PRIM2: variants seen among roughly 807,000 people sequenced by gnomAD.
PRIM2 encodes DNA primase subunit 2, also known as DNA primase large subunit.
In PRIM2, 39 loss-of-function variants were observed where a neutral mutation model predicts 67.3. The observed-to-expected ratio is 0.58, with a 90% confidence interval of 0.45 to 0.76. PRIM2 has a LOEUF of 0.76. Among genes scored for constraint, PRIM2 ranks in the 30% least tolerant of loss-of-function variants. The probability of loss-of-function intolerance (pLI) is 0.00; values close to 1 mark genes in which losing one functional copy is unlikely to be tolerated. For synonymous variants in PRIM2, 143 were observed against 198.7 expected, an observed-to-expected ratio of 0.72 and a Z score of 2.36; for missense variants, 398 against 598.7, an observed-to-expected ratio of 0.66 and a Z score of 3.50.
intron 7 of PRIM2, among the ~76,000 whole-genome samples, chr6:57,391,667 G>T (rs1770350007): frequency 6.6e-6 from 1 of 152,110 alleles, no homozygotes; most frequent in Admixed American, 6.5e-5. Context: ...AAGATCATAT[G>T]GTTGTAGGTG....
chr6:57,406,746 T>C (rs1770904377), intron 7 of PRIM2, among the ~76,000 whole-genome samples: 3 of 152,154 alleles, frequency 2.0e-5, no homozygotes, highest in East Asian at 1.9e-4. Context: ...TCTTGCTGTT[T>C]TGTATAAAAT....
intron 10 of PRIM2, among the ~76,000 whole-genome samples, chr6:57,573,547 C>A (rs1361571305): frequency 1.3e-4 from 19 of 151,560 alleles, no homozygotes; most frequent in Non-Finnish European, 2.5e-4. Context: ...ACATGATAAA[C>A]CAAAAAGAGA....
the PRIM2 span, among the ~76,000 whole-genome samples, chr6:57,237,680 C>T: frequency 6.6e-6 from 1 of 152,126 alleles, no homozygotes; most frequent in African/African-American, 2.4e-5. Context: ...GGAATCCTTT[C>T]CCCATTTCTT....
chr6:57,477,202 A>G (rs1206286811), intron 7 of PRIM2, among the ~76,000 whole-genome samples: 1 of 152,130 alleles, frequency 6.6e-6, no homozygotes, highest in African/African-American at 2.4e-5. Flanking sequence ...TATGTTGCCC[A>G]GGCTGGTCTT....
the PRIM2 span, among the ~76,000 whole-genome samples, chr6:57,240,745 T>C: frequency 1.3e-5 from 2 of 152,172 alleles, no homozygotes; most frequent in African/African-American, 4.8e-5. Flanking sequence ...CTTACATTTC[T>C]AGAATACAGT....
chr6:57,330,230 A>G (rs998779139), intron 5 of PRIM2, among the ~76,000 whole-genome samples: 5 of 151,890 alleles, frequency 3.3e-5, no homozygotes, highest in African/African-American at 9.7e-5. Context: ...ATATTCTTCA[A>G]TGTTATTGTA....
intron 5 of PRIM2, among the ~76,000 whole-genome samples, chr6:57,370,059 A>G (rs1769492346): frequency 6.6e-6 from 1 of 152,212 alleles, no homozygotes; most frequent in Non-Finnish European, 1.5e-5. Flanking sequence ...ACTAAGGTGT[A>G]AAGAGGTTAA....
intron 5 of PRIM2, among the ~76,000 whole-genome samples, chr6:57,349,436 C>A (rs1768789812): frequency 6.7e-6 from 1 of 149,862 alleles, no homozygotes; most frequent in Non-Finnish European, 1.5e-5. Flanking sequence ...ATTATGTATG[C>A]CACTATTTTT....
chr6:57,592,651 G>T (rs1776301647), intron 10 of PRIM2, among the ~76,000 whole-genome samples: 1 of 152,090 alleles, frequency 6.6e-6, no homozygotes, highest in African/African-American at 2.4e-5. Context: ...AACTAGCTGG[G>T]CTGGTGGAGG....
the PRIM2 span, among the ~76,000 whole-genome samples, chr6:57,250,208 T>A: frequency 6.6e-6 from 1 of 152,242 alleles, no homozygotes; most frequent in Non-Finnish European, 1.5e-5. Context: ...TATTGCTATT[T>A]CTTCAATATG....
chr6:57,646,510 CTT>C lies in PRIM2; in HGVS notation c.*365_*366del, dbSNP rs1236435010. On this transcript the variant is annotated 3_prime_UTR_variant, in exon 14 of 14. Coordinates refer to ENST00000615550, the MANE Select transcript of PRIM2 (RefSeq NM_000947.5). The stretch of plus-strand genomic sequence containing the variant: ...ACGGTTGTGAGCCACTGTGCCTGGC[CTT>C]TTTTTTTTTTTTAACCTTTTTGTTT... 470 of 161,354 alleles carry C rather than the reference CTT, an allele frequency of 2.9e-3. No homozygotes were observed. Among genetic ancestry groups the C allele is most frequent in the South Asian group, 6.6e-3 (37 of 5,614 alleles). 10.0% of individuals were successfully genotyped at this position (161,354 alleles called of 1,614,324 possible).
At chr6:57,279,559 T>C in the PRIM2 span, among the ~76,000 whole-genome samples, 2 of 152,128 alleles carry the variant, frequency 1.3e-5, no homozygotes, top group African/African-American at 4.8e-5. Flanking sequence ...ACTATATGAC[T>C]AGATTGTGGC....
Position 57,319,041 on chromosome 6 carries a change from A to C in PRIM2, c.154+442A>C, listed in dbSNP as rs189872551. ...AGAGAAGTTGAAATGTGATCTGGAC[A>C]TACTGAAGAATGAGTAGAAATTTTC... On this transcript the variant is annotated intron_variant, in intron 2 of 13. Coordinates refer to ENST00000615550, the MANE Select transcript of PRIM2 (RefSeq NM_000947.5). Among the ~76,000 whole-genome samples the C allele has an allele frequency of 2.6e-3, 391 of 152,400 alleles. 2 individuals carry two copies. The highest frequency in any genetic ancestry group is 6.4e-3 in the Admixed American group (98 of 15,314).
At chr6:57,427,103 C>T (rs1771657907) in intron 7 of PRIM2, among the ~76,000 whole-genome samples, 1 of 152,136 alleles carries the variant, frequency 6.6e-6, no homozygotes, top group African/African-American at 2.4e-5. Context: ...ATGGAATGAA[C>T]TTCTTTATCA....
At chr6:57,378,051 TTTC>T (rs1235571126) in intron 5 of PRIM2, among the ~76,000 whole-genome samples, 59 of 151,900 alleles carry the variant, frequency 3.9e-4, no homozygotes, top group Middle Eastern at 3.4e-3. Flanking sequence ...CAGAAAGCTT[TTTC>T]TTCTTCTTCT....
chr6:57,379,180 TTTTAC>T (rs2127333343), intron 5 of PRIM2, among the ~76,000 whole-genome samples: 1 of 113,852 alleles, frequency 8.8e-6, no homozygotes, highest in African/African-American at 3.4e-5. Flanking sequence ...CATTTATTAT[TTTTAC>T]TTATATAACT....
intron 13 of PRIM2, among the ~76,000 whole-genome samples, chr6:57,639,738 A>G (rs1777196204): frequency 6.6e-6 from 1 of 151,092 alleles, no homozygotes; most frequent in African/African-American, 2.5e-5. Flanking sequence ...TGAGGCAGTA[A>G]TAGCCTATCA....
the PRIM2 span, among the ~76,000 whole-genome samples, chr6:57,309,592 T>A: frequency 6.6e-6 from 1 of 152,176 alleles, no homozygotes; most frequent in South Asian, 2.1e-4. Flanking sequence ...TGGTTCCAAG[T>A]CTTTGCTATT....
At chr6:57,600,088 T>G (rs1169557028) in intron 10 of PRIM2, among the ~76,000 whole-genome samples, 2 of 152,058 alleles carry the variant, frequency 1.3e-5, no homozygotes, top group African/African-American at 4.8e-5. Flanking sequence ...CATAGAGGAG[T>G]TGTGATTATC....
Sources: gnomAD v4.1 joint callset for allele counts (sites outside exome capture counted in the v4.1 genomes callset) on GRCh38, gnomAD v4.1.1 for gene constraint, MANE v1.5 for transcripts, NCBI Gene and HGNC (gene_info 2026-07-23, HGNC 2026-07-21) for gene names.